The following NRG1 variants were observed in gnomAD, a reference collection of about 807,000 sequenced individuals.
NRG1 encodes neuregulin 1.
In NRG1, 18 loss-of-function variants were observed where a neutral mutation model predicts 63.8. The observed-to-expected ratio is 0.28, with a 90% CI of 0.19 to 0.42. NRG1 has a LOEUF of 0.42. NRG1 is among the 10% of genes least tolerant of loss of function. NRG1 has a pLI of 1.00. For missense variants in NRG1, 762 were observed against 814.7 expected, an observed-to-expected ratio of 0.94 and a Z score of 0.79; for synonymous variants, 302 against 301.3, an observed-to-expected ratio of 1.00 and a Z score of -0.02.
At chr8:32,281,011 G>A (rs1356383730) in intron 1 of NRG1, among the ~76,000 whole-genome samples, 2 of 150,134 alleles carry the variant, frequency 1.3e-5, no homozygotes, top group Admixed American at 6.6e-5. Flanking sequence ...CACCCACCTC[G>A]GCCTCCCAAA....
chr8:32,027,518 G>A (rs1162609715), intron 1 of NRG1, among the ~76,000 whole-genome samples: 3 of 119,102 alleles, frequency 2.5e-5, no homozygotes, highest in Admixed American at 1.0e-4. Flanking sequence ...TTGCCATAGC[G>A]TTTTCTTTTC....
chr8:32,726,090 G>C (rs16879880), intron 5 of NRG1, among the ~76,000 whole-genome samples: 13,966 of 151,978 alleles, frequency 0.092, 2,170 homozygotes, highest in African/African-American at 0.32. Flanking sequence ...TTTGAAAATA[G>C]CTTTTTGTTG....
At chr8:32,472,336 A>AT (rs1823955007) in intron 1 of NRG1, among the ~76,000 whole-genome samples, 1 of 152,044 alleles carries the variant, frequency 6.6e-6, no homozygotes, top group Non-Finnish European at 1.5e-5. Flanking sequence ...CACCCTGCTA[A>AT]TTTTTGTAAT....
intron 1 of NRG1, among the ~76,000 whole-genome samples, chr8:32,526,670 T>C (rs1830876182): frequency 6.6e-6 from 1 of 152,198 alleles, no homozygotes; most frequent in Non-Finnish European, 1.5e-5. Flanking sequence ...CAAGGTCAAG[T>C]AGTGACCTCC....
chr8:32,540,842 T>C (rs1220943840), intron 1 of NRG1, among the ~76,000 whole-genome samples: 1 of 152,176 alleles, frequency 6.6e-6, no homozygotes, highest in Non-Finnish European at 1.5e-5. Context: ...ACCCAATCTT[T>C]ATGATTAGGC....
intron 1 of NRG1, among the ~76,000 whole-genome samples, chr8:32,398,269 C>T (rs546651795): frequency 5.3e-5 from 8 of 152,296 alleles, no homozygotes; most frequent in Admixed American, 1.3e-4. Context: ...CAGCCTTCCA[C>T]GGCTCATAGC....
intron 1 of NRG1, among the ~76,000 whole-genome samples, chr8:32,588,344 C>G (rs929292970): frequency 1.3e-5 from 2 of 152,102 alleles, no homozygotes; most frequent in Non-Finnish European, 2.9e-5. Flanking sequence ...GGCTCATACC[C>G]TCAAATCAAA....
chr8:31,684,515 AAGTGTCAGGT>A (rs1402006148), intron 1 of NRG1, among the ~76,000 whole-genome samples: 2 of 152,278 alleles, frequency 1.3e-5, no homozygotes, highest in Non-Finnish European at 2.9e-5. Context: ...TATTATTACA[AAGTGTCAGGT>A]ATTTTGTTAT....
intron 1 of NRG1, chr8:32,061,749 G>A (rs1823907974): frequency 6.6e-6 from 1 of 152,000 alleles, no homozygotes; most frequent in African/African-American, 2.4e-5. Flanking sequence ...GAAGGAAGGA[G>A]GCATAGTAGG....
chr8:31,804,816 A>G (rs1822117655), intron 1 of NRG1, among the ~76,000 whole-genome samples: 1 of 152,226 alleles, frequency 6.6e-6, no homozygotes, highest in Non-Finnish European at 1.5e-5. Context: ...CATCTAAAAA[A>G]TGCCTTCATA....
At chr8:32,263,808 T>C (rs1003052306) in intron 1 of NRG1, among the ~76,000 whole-genome samples, 1 of 152,206 alleles carries the variant, frequency 6.6e-6, no homozygotes, top group Non-Finnish European at 1.5e-5. Flanking sequence ...TGTAGAAATC[T>C]AAATCAGCAC....
At chr8:32,097,970 GT>G (rs1439535592) in intron 1 of NRG1, among the ~76,000 whole-genome samples, 8 of 152,138 alleles carry the variant, frequency 5.3e-5, no homozygotes, top group South Asian at 4.1e-4. Flanking sequence ...TGGAATATAG[GT>G]TTAATTAAAG....
At chr8:31,709,476 A>G (rs976069939) in intron 1 of NRG1, among the ~76,000 whole-genome samples, 10 of 152,030 alleles carry the variant, frequency 6.6e-5, no homozygotes, top group Admixed American at 2.6e-4. Flanking sequence ...TTGTAGAGGA[A>G]AGAATAATTT....
intron 1 of NRG1, among the ~76,000 whole-genome samples, chr8:32,584,496 G>C (rs961141564): frequency 6.6e-6 from 1 of 152,196 alleles, no homozygotes; most frequent in Non-Finnish European, 1.5e-5. Context: ...ACAGAGAAGA[G>C]AGAAATTTAA....
intron 1 of NRG1, among the ~76,000 whole-genome samples, chr8:32,050,489 A>T (rs1266755133): frequency 6.6e-6 from 1 of 152,130 alleles, no homozygotes; most frequent in African/African-American, 2.4e-5. Flanking sequence ...CAAACATGTG[A>T]TCAAAAGTGG....
intron 1 of NRG1, among the ~76,000 whole-genome samples, chr8:32,337,652 G>GTGAAAAAA (rs1803447672): frequency 1.7e-4 from 1 of 5,942 alleles, no homozygotes; most frequent in Admixed American, 2.8e-3. Context: ...AAGAGTTATT[G>GTGAAAAAA]CAAAAAAAAA....
At chr8:32,384,592 G>C (rs898185563) in intron 1 of NRG1, among the ~76,000 whole-genome samples, 9 of 152,170 alleles carry the variant, frequency 5.9e-5, no homozygotes, top group African/African-American at 2.2e-4. Context: ...ATACAATTTT[G>C]CCTTTTGATT....
intron 1 of NRG1, among the ~76,000 whole-genome samples, chr8:32,525,330 T>C (rs1448070647): frequency 6.6e-6 from 1 of 152,030 alleles, no homozygotes; most frequent in Non-Finnish European, 1.5e-5. Context: ...AAGTCAGTCT[T>C]TTGTCACAAG....
downstream of NRG1, among the ~76,000 whole-genome samples, chr8:32,771,715 A>AAAAAATT (rs1343943621): frequency 3.6e-5 from 4 of 111,848 alleles, no homozygotes; most frequent in Non-Finnish European, 7.2e-5. Context: ...TTAAAAAAAA[A>AAAAAATT]ATATATATAT....
Sources: gnomAD v4.1 joint callset for allele counts (sites outside exome capture counted in the v4.1 genomes callset) on GRCh38, gnomAD v4.1.1 for gene constraint, MANE v1.5 for transcripts, NCBI Gene and HGNC (gene_info 2026-07-23, HGNC 2026-07-21) for gene names.